The following CAMK2G variants were observed in gnomAD, a reference collection of about 807,000 sequenced individuals.
CAMK2G encodes the protein calcium/calmodulin-dependent protein kinase type II subunit gamma.
CAMK2G carries 23 observed loss-of-function variants against 88.7 expected under a neutral mutation model. That is an observed-to-expected ratio of 0.26 (90% CI 0.19 to 0.37). The LOEUF (loss-of-function observed/expected upper bound fraction) is 0.37, where lower values mean the gene tolerates loss of function less well. CAMK2G is among the 10% of genes least tolerant of loss of function. The pLI, the probability that CAMK2G is intolerant of heterozygous loss-of-function variation, is 1.00. For synonymous variants in CAMK2G, 263 were observed against 294.8 expected, an observed-to-expected ratio of 0.89 and a Z score of 1.11; for missense variants, 476 against 780.8, an observed-to-expected ratio of 0.61 and a Z score of 4.65.
Position 73,848,086 on chromosome 10 carries a change from C to T in CAMK2G, c.602-4G>A, listed in dbSNP as rs576413823. 1.8e-5 allele frequency: 28 copies of T among 1,552,420 alleles called. No homozygotes were observed. The highest frequency in any genetic ancestry group is 1.5e-4 in the Admixed American group (9 of 59,942). ...AGGAGGATATACAGGATGACCCCTA[C>T]GAGACAGAACACACAGGTCATGGGG... On this transcript the variant is annotated splice_polypyrimidine_tract_variant and splice_region_variant and intron_variant, in intron 8 of 22. Transcript: ENST00000423381. This position sits in a 1 kb window ranked among gnomAD's most constrained non-coding sequence, Gnocchi z 4.5.
At chr10:73,827,900 C>T (rs1175868774) in intron 15 of CAMK2G, among the ~76,000 whole-genome samples, 189 bp downstream of exon 15, 1 of 152,228 alleles carries the variant, frequency 6.6e-6, no homozygotes, top group East Asian at 1.9e-4. Flanking sequence ...TTCCAATGTC[C>T]ACTTTTTAGG....
intron 12 of CAMK2G, among the ~76,000 whole-genome samples, chr10:73,840,425 A>G (rs1433652673): frequency 1.3e-5 from 2 of 152,172 alleles, no homozygotes; most frequent in South Asian, 4.1e-4. Flanking sequence ...GATTGCATCC[A>G]TAGACACCTC....
chr10:73,842,527 C>T lies in CAMK2G; in HGVS notation c.834G>A (p.Val278=). The change falls in exon 11 of 23, where the codon GTG becomes GTA. Residue 278 remains valine (V), a synonymous_variant. Coordinates refer to ENST00000423381, the MANE Select transcript of CAMK2G (RefSeq NM_001367534.1). This position sits in a 1 kb window ranked among gnomAD's most constrained non-coding sequence, Gnocchi z 4.6. Reference sequence around the variant, plus strand: ...TCTCCTGACGATGCATCATGGATGCCACCGTGGATCGTTGCTAGAAACCAA... The same window carrying T: ...TCTCCTGACGATGCATCATGGATGCTACCGTGGATCGTTGCTAGAAACCAA... The part of the protein sequence containing the change: ...KHPWVCQRST[V]ASMMHRQETV... 1 of 1,612,998 alleles carries T rather than the reference C, an allele frequency of 6.2e-7. No homozygotes were observed. Among genetic ancestry groups the T allele is most frequent in the Non-Finnish European group, 8.5e-7 (1 of 1,179,006 alleles).
chr10:73,871,998 A>G (rs1464723881), intron 2 of CAMK2G, among the ~76,000 whole-genome samples: 1 of 151,996 alleles, frequency 6.6e-6, no homozygotes, highest in African/African-American at 2.4e-5. Flanking sequence ...CCTGGCTCCT[A>G]ATATATTTAT....
Position 73,839,703 on chromosome 10 carries a change from AAGCCAGCCG to A in CAMK2G, c.947-111_947-103del. 1 of 668,096 alleles carries A rather than the reference AAGCCAGCCG, an allele frequency of 1.5e-6. No individual in the cohort carries two copies. The allele number at this position is 668,096 out of a possible 1,614,324, so 41.4% of individuals were successfully genotyped here. ...GAGGCGCAGCCCAGGCGGCGTGGCC[AAGCCAGCCG>A]AGCTGGGGGAGCGGAGCGCCAGGGG... On this transcript the variant is annotated intron_variant, in intron 12 of 22. Coordinates refer to ENST00000423381, the MANE Select transcript of CAMK2G (RefSeq NM_001367534.1). This position sits in a 1 kb window ranked among gnomAD's most constrained non-coding sequence, Gnocchi z 4.2.
intron 5 of CAMK2G, 38 bp from the exon 6 acceptor site, chr10:73,849,371 T>C: frequency 6.9e-7 from 1 of 1,453,506 alleles, no homozygotes; most frequent in Non-Finnish European, 9.6e-7. Context: ...TAGCGCAGGG[T>C]TAAACCACCT....
chr10:73,869,747 T>G (rs951638934), intron 2 of CAMK2G, among the ~76,000 whole-genome samples: 1 of 152,362 alleles, frequency 6.6e-6, no homozygotes, highest in South Asian at 2.1e-4. Context: ...CAAAAGAAAT[T>G]TCTTCACACG....
rs1363543452 is a variant in CAMK2G, at chr10:73,817,472, T to C, written c.1439+7A>G. On this transcript the variant is annotated splice_region_variant and intron_variant, in intron 20 of 22. Transcript: ENST00000423381. ...TAGGTCACAAAAAAAAATGGGTCTCTACTTACGTGTAGGCCTCAAAGTCCC... is the reference window on the plus strand; with the variant it reads ...TAGGTCACAAAAAAAAATGGGTCTCCACTTACGTGTAGGCCTCAAAGTCCC... 6.3e-7 allele frequency: 1 copy of C among 1,588,804 alleles called. No homozygotes were observed. Among genetic ancestry groups the C allele is most frequent in the African/African-American group, 1.3e-5 (1 of 74,398 alleles).
chr10:73,818,541 G>A (rs781318615), intron 19 of CAMK2G: 16 of 382,884 alleles, frequency 4.2e-5, no homozygotes, highest in African/African-American at 1.9e-4. Flanking sequence ...AACTGCAAGC[G>A]TTAGAACAGC....
At chr10:73,860,704 T>C in intron 3 of CAMK2G, 126 bp downstream of exon 3, 3 of 741,936 alleles carry the variant, frequency 4.0e-6, no homozygotes, top group Non-Finnish European at 7.2e-6. Flanking sequence ...GCTATCCTGC[T>C]CATGTAAAAA....
At chr10:73,832,711 A>G (rs1186768471) in intron 14 of CAMK2G, among the ~76,000 whole-genome samples, 1 of 152,184 alleles carries the variant, frequency 6.6e-6, no homozygotes, top group Non-Finnish European at 1.5e-5. Context: ...ATAACTTTTG[A>G]ATAGTTTATT....
intron 12 of CAMK2G, among the ~76,000 whole-genome samples, chr10:73,840,266 A>G (rs2093671127): frequency 1.3e-5 from 2 of 152,192 alleles, no homozygotes; most frequent in African/African-American, 4.8e-5. Flanking sequence ...AAACCCTGAG[A>G]AAGAAAACAA....
At chr10:73,840,453 G>A (rs1012891363) in intron 12 of CAMK2G, among the ~76,000 whole-genome samples, 1 of 152,132 alleles carries the variant, frequency 6.6e-6, no homozygotes, top group African/African-American at 2.4e-5. Context: ...AGAAGCTTCC[G>A]GACAGACTCT....
At chr10:73,845,688 C>T (rs2094185908) in intron 10 of CAMK2G, among the ~76,000 whole-genome samples, 1 of 152,016 alleles carries the variant, frequency 6.6e-6, no homozygotes, top group South Asian at 2.1e-4. Context: ...TGAAACCTGG[C>T]CTCTCTCTTC....
At chr10:73,820,468 A>T (rs188726810) in intron 18 of CAMK2G, among the ~76,000 whole-genome samples, 15,626 of 61,442 alleles carry the variant, frequency 0.25, 763 homozygotes, top group South Asian at 0.39. Context: ...TTATATTTAT[A>T]TATATATATA....
rs57601302 is a variant in CAMK2G at position 73,815,369 on chromosome 10, G to GCCCCCCCCCCCCCCCC, written c.1535-123_1535-122insGGGGGGGGGGGGGGGG. The GCCCCCCCCCCCCCCCC allele has an allele frequency of 8.1e-6, 5 of 619,412 alleles. No individual in the cohort carries two copies. The African/African-American group carries it at 1.0e-4, about 13-fold the overall frequency. The allele number at this position is 619,412 out of a possible 1,614,324, so 38.4% of individuals were successfully genotyped here. On this transcript the variant is annotated intron_variant, in intron 21 of 22. Transcript: ENST00000423381. ...ACCACTCCCAGAATCTCCAAGTACCGCCCCCCCCCACCCCCGAACCCCTGA... is the reference window on the plus strand; with the variant it reads ...ACCACTCCCAGAATCTCCAAGTACCGCCCCCCCCCCCCCCCCCCCCCCCCCACCCCCGAACCCCTGA...
At chr10:73,845,871 A>G (rs2094199388) in intron 10 of CAMK2G, among the ~76,000 whole-genome samples, 1 of 150,688 alleles carries the variant, frequency 6.6e-6, no homozygotes, top group African/African-American at 2.4e-5. Flanking sequence ...CTCTGTCTCC[A>G]GCCCTTTTCT....
intron 3 of CAMK2G, among the ~76,000 whole-genome samples, chr10:73,854,088 G>A (rs924574742): frequency 2.6e-5 from 4 of 152,184 alleles, no homozygotes; most frequent in African/African-American, 9.7e-5. Context: ...AGTGCTACCT[G>A]ACTCCAAAGA....
intron 3 of CAMK2G, among the ~76,000 whole-genome samples, chr10:73,853,712 A>C (rs2094814297): frequency 6.6e-6 from 1 of 152,248 alleles, no homozygotes; most frequent in Non-Finnish European, 1.5e-5. Flanking sequence ...GGCAGAGCTC[A>C]GCAGGAAGGC....
Sources: gnomAD v4.1 joint callset for allele counts (sites outside exome capture counted in the v4.1 genomes callset) on GRCh38, gnomAD v4.1.1 for gene constraint, Gnocchi (gnomAD v3.1) non-coding constraint, MANE v1.5 for transcripts, NCBI Gene and HGNC (gene_info 2026-07-23, HGNC 2026-07-21) for gene names.